The following GALNT18 variants were observed in gnomAD, a reference collection of about 807,000 sequenced individuals.
GALNT18 encodes the protein polypeptide N-acetylgalactosaminyltransferase 18, also known as GalNAc-transferase 18.
Under a neutral mutation model 69.5 loss-of-function variants are expected in GALNT18, and 44 were observed. The observed-to-expected ratio is 0.63, with a 90% CI of 0.50 to 0.81. GALNT18 has a LOEUF of 0.81. Among genes scored for constraint, GALNT18 ranks in the 40% least tolerant of loss-of-function variants. GALNT18 has a pLI of 0.00. For missense variants in GALNT18, 715 were observed against 810.0 expected (o/e 0.88, Z 1.42); for synonymous variants, 364 against 318.2 (o/e 1.14, Z -1.53).
chr11:11,443,746 T>C (rs1176497843), intron 2 of GALNT18, among the ~76,000 whole-genome samples: 3 of 152,202 alleles, frequency 2.0e-5, no homozygotes, highest in Non-Finnish European at 2.9e-5. Flanking sequence ...AGGCCCCACA[T>C]GGATGAGGTC....
chr11:11,577,758 G>C (rs1416736654), intron 1 of GALNT18, among the ~76,000 whole-genome samples: 1 of 152,218 alleles, frequency 6.6e-6, no homozygotes, highest in Non-Finnish European at 1.5e-5. Context: ...CTGGCACTTT[G>C]AGGGAGAGAG....
At chr11:11,428,155 AG>A (rs1855177640) in intron 3 of GALNT18, among the ~76,000 whole-genome samples, 1 of 152,214 alleles carries the variant, frequency 6.6e-6, no homozygotes, top group South Asian at 2.1e-4. Context: ...TTGCACTGAG[AG>A]GCCCAAGAGA....
In GALNT18 at chr11:11,454,644, G is replaced by A. The variant is rs1855885659; in HGVS notation, c.236-5708C>T. On this transcript the variant is annotated intron_variant, in intron 1 of 10. Coordinates refer to ENST00000227756, the MANE Select transcript of GALNT18 (RefSeq NM_198516.3). This position sits in a 1 kb window ranked among gnomAD's most constrained non-coding sequence, Gnocchi z 4.2. ...GAGGTGGGAAGACCCAGAGACTCTA[G>A]AAAACTGGCCTAAGATGCCCTCAGG... Among the ~76,000 whole-genome samples the A allele has an allele frequency of 6.6e-6, 1 of 152,054 alleles. No homozygotes were observed. The highest frequency in any genetic ancestry group is 1.5e-5 in the Non-Finnish European group (1 of 68,006).
rs1858606612 is a variant in GALNT18 at position 11,564,947 on chromosome 11, A to T, written c.235+56412T>A. ...ATGCTTGCTCTATTGGACAGCCCTG[A>T]TCTAGACCCTAACCCCAAACTCCAG... On this transcript the variant is annotated intron_variant, in intron 1 of 10. Coordinates refer to ENST00000227756, the MANE Select transcript of GALNT18 (RefSeq NM_198516.3). This position sits in a 1 kb window ranked among gnomAD's most constrained non-coding sequence, Gnocchi z 4.3. Among the ~76,000 whole-genome samples, 1 of 152,188 alleles carries T rather than the reference A, an allele frequency of 6.6e-6. No individual in the cohort carries two copies. Among genetic ancestry groups the T allele is most frequent in the African/African-American group, 2.4e-5 (1 of 41,442 alleles).
rs552856775 is a variant in GALNT18, at chr11:11,350,590, GCTCA to G, written c.1093-9590_1093-9587del. Among the ~76,000 whole-genome samples, 189 of 152,272 alleles carry G rather than the reference GCTCA, an allele frequency of 1.2e-3. 1 individual carries two copies. The highest frequency in any genetic ancestry group is 3.4e-3 in the Middle Eastern group (1 of 294). ...CAAAGGTGTGGCAGAGACCCCTATT[GCTCA>G]CTGACACCTGGGTGCTCCTCCATAT... is the stretch of plus-strand genomic sequence containing the variant. On this transcript the variant is annotated intron_variant, in intron 6 of 10. Transcript: ENST00000227756.
chr11:11,588,034 A>G (rs969854968), intron 1 of GALNT18, among the ~76,000 whole-genome samples: 11 of 151,656 alleles, frequency 7.3e-5, no homozygotes, highest in African/African-American at 2.7e-4. Context: ...CCTTTCCCCA[A>G]CTTTCTGCAG....
chr11:11,369,909 A>C (rs1850858930), intron 6 of GALNT18, among the ~76,000 whole-genome samples: 1 of 152,152 alleles, frequency 6.6e-6, no homozygotes, highest in South Asian at 2.1e-4. Context: ...TGGCTGTTGC[A>C]ATATCTTTTT....
intron 1 of GALNT18, among the ~76,000 whole-genome samples, chr11:11,486,271 C>T (rs528945481): frequency 6.6e-6 from 1 of 152,330 alleles, no homozygotes; most frequent in East Asian, 1.9e-4. Context: ...ACTTCTCTGC[C>T]TGTCACAATG....
At chr11:11,326,483 C>A (rs563061484) in intron 9 of GALNT18, among the ~76,000 whole-genome samples, 1 of 152,194 alleles carries the variant, frequency 6.6e-6, no homozygotes, top group Admixed American at 6.5e-5. Flanking sequence ...ATTTATCTTG[C>A]CTGTGTCTTG....
At position 11,332,801 on chromosome 11, in the gene GALNT18, C is replaced by A. The variant is rs202058610; in HGVS notation, c.1309G>T (p.Ala437Ser). The A allele has an allele frequency of 7.9e-5, 128 of 1,613,632 alleles. 2 individuals carry two copies. The East Asian group carries it at 2.8e-3, about 35-fold the overall frequency. The change falls in exon 8 of 11, where the codon GCA becomes TCA. Residue 437 changes from alanine (A) to serine (S), a missense_variant. Ala to Ser is a moderately conservative substitution (Grantham distance 99, BLOSUM62 1). Coordinates refer to ENST00000227756, the MANE Select transcript of GALNT18 (RefSeq NM_198516.3). The surrounding 1 kb of genome is among the most constrained non-coding windows in gnomAD (Gnocchi z 4.3). ...DSGIDIGDITARKALRKQLQC... is the reference protein window; with the variant it reads ...DSGIDIGDITSRKALRKQLQC... ...AGCTGTTTCCTGAGAGCCTTCCTTGCAGTGATGTCCCCAATGTCAATTCCT... is the reference window on the plus strand; with the variant it reads ...AGCTGTTTCCTGAGAGCCTTCCTTGAAGTGATGTCCCCAATGTCAATTCCT...
intron 3 of GALNT18, among the ~76,000 whole-genome samples, chr11:11,392,034 C>CA (rs1854205902): frequency 6.6e-6 from 1 of 152,248 alleles, no homozygotes; most frequent in East Asian, 1.9e-4. Flanking sequence ...TAATGACCAA[C>CA]ATTTATACTC....
chr11:11,271,084 G>A lies in GALNT18; in HGVS notation c.*60C>T. The A allele has an allele frequency of 3.3e-6, 5 of 1,527,840 alleles. No individual in the cohort carries two copies. Among genetic ancestry groups the A allele is most frequent in the South Asian group, 1.2e-5 (1 of 82,642 alleles). The allele number at this position is 1,527,840 out of a possible 1,614,324, so 94.6% of individuals were successfully genotyped here. On this transcript the variant is annotated 3_prime_UTR_variant, in exon 11 of 11. Coordinates refer to ENST00000227756, the MANE Select transcript of GALNT18 (RefSeq NM_198516.3). ...CCAAACAACCCCACGTGGACAGCAG[G>A]CAACGTTGCAGCAGGTGCTACACAG...
At chr11:11,607,642 C>G (rs997531917) in intron 1 of GALNT18, among the ~76,000 whole-genome samples, 2 of 152,158 alleles carry the variant, frequency 1.3e-5, no homozygotes, top group African/African-American at 4.8e-5. Context: ...TTAAATCACA[C>G]CTTCCTGCCT....
intron 1 of GALNT18, among the ~76,000 whole-genome samples, chr11:11,506,115 G>A (rs549533030): frequency 1.1e-3 from 164 of 152,286 alleles, no homozygotes; most frequent in African/African-American, 3.8e-3. Flanking sequence ...AGAGGGTGAA[G>A]CTACCAGTGA....
intron 1 of GALNT18, among the ~76,000 whole-genome samples, chr11:11,607,529 G>A (rs1033217008): frequency 1.3e-5 from 2 of 152,136 alleles, no homozygotes; most frequent in Admixed American, 1.3e-4. Context: ...ATCTATCTCT[G>A]AATTGTAAAG....
At position 11,541,837 on chromosome 11, in the gene GALNT18, C is replaced by T. The variant is rs1305928136; in HGVS notation, c.235+79522G>A. Among the ~76,000 whole-genome samples, 1 of 152,194 alleles carries T rather than the reference C, an allele frequency of 6.6e-6. No homozygotes were observed. The highest frequency in any genetic ancestry group is 1.5e-5 in the Non-Finnish European group (1 of 68,032). On this transcript the variant is annotated intron_variant, in intron 1 of 10. Coordinates refer to ENST00000227756, the MANE Select transcript of GALNT18 (RefSeq NM_198516.3). The surrounding 1 kb of genome is among the most constrained non-coding windows in gnomAD (Gnocchi z 4.8). ...CACAAGCCAAGCCCAGAAGCCTCTC[C>T]CGAAGAGTGAGCAGGTTGCTTTCCC...
Position 11,596,824 on chromosome 11 carries a change from G to T in GALNT18, c.235+24535C>A, listed in dbSNP as rs1425646988. ...AGTTTTACTTTCTTTAAAACATCTG[G>T]TATAATATTAAATAGGCGTGATGAC... is the stretch of plus-strand genomic sequence containing the variant. On this transcript the variant is annotated intron_variant, in intron 1 of 10. Coordinates refer to ENST00000227756, the MANE Select transcript of GALNT18 (RefSeq NM_198516.3). This position sits in a 1 kb window ranked among gnomAD's most constrained non-coding sequence, Gnocchi z 4.2. Among the ~76,000 whole-genome samples, 1 of 152,006 alleles carries T rather than the reference G, an allele frequency of 6.6e-6. No individual in the cohort carries two copies. Among genetic ancestry groups the T allele is most frequent in the East Asian group, 1.9e-4 (1 of 5,184 alleles).
At chr11:11,489,442 G>C (rs962889410) in intron 1 of GALNT18, among the ~76,000 whole-genome samples, 1 of 152,178 alleles carries the variant, frequency 6.6e-6, no homozygotes, top group African/African-American at 2.4e-5. Context: ...AGTGAGGCAA[G>C]GGCCTTTCAC....
At position 11,370,860 on chromosome 11, in the gene GALNT18, A is replaced by G. The variant is rs547874795; in HGVS notation, c.1092+1655T>C. On this transcript the variant is annotated intron_variant, in intron 6 of 10. Coordinates refer to ENST00000227756, the MANE Select transcript of GALNT18 (RefSeq NM_198516.3). ...AACACAAGCGAATGGAGGCGGTCCA[A>G]CCCACTCAGACAATTCCTGACAGCA... 1.6e-3 allele frequency among the ~76,000 whole-genome samples: 248 copies of G among 152,326 alleles called. 1 individual carries two copies. The highest frequency in any genetic ancestry group is 5.6e-3 in the African/African-American group (234 of 41,554).
Sources: allele counts gnomAD v4.1 joint callset (sites outside exome capture counted in the v4.1 genomes callset), GRCh38; gene constraint gnomAD v4.1.1; non-coding constraint Gnocchi (gnomAD v3.1); transcripts MANE v1.5; gene names NCBI Gene and HGNC (gene_info 2026-07-23, HGNC 2026-07-21).